The following TMEM40 variants were observed in gnomAD, a reference collection of about 807,000 sequenced individuals.
The protein encoded by TMEM40 is transmembrane protein 40.
TMEM40 carries 34 observed loss-of-function variants against 40.8 expected under a neutral mutation model. That is an observed-to-expected ratio of 0.83 (90% CI 0.63 to 1.11). The LOEUF (loss-of-function observed/expected upper bound fraction) is 1.11. TMEM40 is among the 50% of genes least tolerant of loss of function. The pLI is 0.00. For synonymous variants in TMEM40, 106 were observed against 107.0 expected (o/e 0.99, Z 0.06); for missense variants, 296 against 280.2 (o/e 1.06, Z -0.40).
intron 1 of TMEM40, among the ~76,000 whole-genome samples, chr3:12,766,687 C>T (rs1340436600): frequency 1.3e-5 from 2 of 152,184 alleles, no homozygotes; most frequent in South Asian, 2.1e-4. Flanking sequence ...CCATCGGCCA[C>T]CCTCTGACAC....
At chr3:12,734,830 G>T in intron 11 of TMEM40, 37 bp from the exon 12 acceptor site, 1 of 1,588,552 alleles carries the variant, frequency 6.3e-7, no homozygotes. Flanking sequence ...ATGGGATTCT[G>T]AAGGCAGCCA....
At chr3:12,738,412 G>C (rs568390771) in intron 6 of TMEM40, 141 bp downstream of exon 6, 1 of 1,080,744 alleles carries the variant, frequency 9.3e-7, no homozygotes, top group Admixed American at 1.8e-5. Context: ...TGCTTGATGA[G>C]CCTAGGCTAA....
chr3:12,738,268 C>T, intron 6 of TMEM40, 100 bp from the exon 7 acceptor site: 1 of 1,372,180 alleles, frequency 7.3e-7, no homozygotes, highest in Non-Finnish European at 1.0e-6. Context: ...AAAAAATGTC[C>T]CCATGGAATT....
intron 1 of TMEM40, among the ~76,000 whole-genome samples, chr3:12,752,559 G>A (rs1342011639): frequency 2.6e-5 from 4 of 152,168 alleles, no homozygotes; most frequent in African/African-American, 2.4e-5. Flanking sequence ...AGGACTTTGG[G>A]AGGCTGAGGC....
At chr3:12,739,175 C>T (rs1332839502) in intron 5 of TMEM40, 1 of 152,712 alleles carries the variant, frequency 6.5e-6, no homozygotes, top group Non-Finnish European at 1.5e-5. Flanking sequence ...AGTTTGGTAA[C>T]TCTTGTACTC....
chr3:12,743,943 T>C lies in TMEM40; in HGVS notation c.258A>G (p.Arg86=), dbSNP rs923887280. The C allele has an allele frequency of 1.2e-6, 2 of 1,613,404 alleles. No individual in the cohort carries two copies. The highest frequency in any genetic ancestry group is 2.7e-5 in the African/African-American group (2 of 74,920). Residue 86 remains arginine, a synonymous_variant, in exon 4 of 12, where the codon CGA becomes CGG. Coordinates refer to ENST00000314124, the MANE Select transcript of TMEM40 (RefSeq NM_018306.4). ...DQQPRATGKH[R]RSLGAGYPHG... is the part of the protein sequence containing the mutation. ...GGGGGTATCCAGCCCCCAGGCTCCGTCGATGTTTTCCGGTTGCTCTGGGTT... is the reference window on the plus strand; with the variant it reads ...GGGGGTATCCAGCCCCCAGGCTCCGCCGATGTTTTCCGGTTGCTCTGGGTT...
chr3:12,769,304 TC>T (rs1263171226), exon 1 of TMEM40: 2 of 403,910 alleles, frequency 5.0e-6, no homozygotes, highest in Non-Finnish European at 1.0e-5. Context: ...AGGAAGGGAC[TC>T]CCACAGTGCA....
In TMEM40 at chr3:12,736,848, G is replaced by T; in HGVS notation, c.473-13C>A. 1 of 1,614,098 alleles carries T rather than the reference G, an allele frequency of 6.2e-7. No homozygotes were observed. Among genetic ancestry groups the T allele is most frequent in the Non-Finnish European group, 8.5e-7 (1 of 1,180,008 alleles). On this transcript the variant is annotated splice_polypyrimidine_tract_variant and intron_variant, in intron 8 of 11. Coordinates refer to ENST00000314124, the MANE Select transcript of TMEM40 (RefSeq NM_018306.4). ...TGGAAAAACTCATCTGTGAAGGCAG[G>T]GGTGGGCAATCACTATCTGCTGCTT...
intron 1 of TMEM40, among the ~76,000 whole-genome samples, chr3:12,754,803 C>T (rs2061506506): frequency 6.6e-6 from 1 of 152,116 alleles, no homozygotes; most frequent in Admixed American, 6.5e-5. Context: ...TCACTGACCC[C>T]AAGTCTCTGC....
At chr3:12,737,235 T>C (rs1203241537) in intron 8 of TMEM40, among the ~76,000 whole-genome samples, 1 of 151,690 alleles carries the variant, frequency 6.6e-6, no homozygotes, top group Non-Finnish European at 1.5e-5. Context: ...ACCATGGTCT[T>C]TCCTCTTGCC....
chr3:12,734,957 T>C (rs2061327238), intron 11 of TMEM40, among the ~76,000 whole-genome samples, 164 bp from the exon 12 acceptor site: 1 of 152,240 alleles, frequency 6.6e-6, no homozygotes, highest in Admixed American at 6.5e-5. Flanking sequence ...AGTTTTCTTT[T>C]TCTTCATTAC....
intron 1 of TMEM40, among the ~76,000 whole-genome samples, chr3:12,768,300 A>C (rs903283207): frequency 2.0e-5 from 3 of 152,144 alleles, no homozygotes; most frequent in Admixed American, 6.6e-5. Context: ...AGAGCAAAAC[A>C]ACAAAGCTTC....
intron 5 of TMEM40, among the ~76,000 whole-genome samples, chr3:12,739,779 G>A (rs1049635091): frequency 1.3e-5 from 2 of 151,914 alleles, no homozygotes; most frequent in South Asian, 4.2e-4. Context: ...TGAAAAAAAT[G>A]TGGTATAGAA....
intron 4 of TMEM40, 104 bp from the exon 5 acceptor site, chr3:12,742,611 G>T (rs2061392895): frequency 2.2e-6 from 3 of 1,368,744 alleles, no homozygotes; most frequent in South Asian, 1.3e-5. Context: ...CAGTCCTTGT[G>T]CTGGAGGTGA....
chr3:12,747,001 T>A (rs745445034), intron 3 of TMEM40, among the ~76,000 whole-genome samples: 49 of 152,112 alleles, frequency 3.2e-4, no homozygotes, highest in Non-Finnish European at 3.4e-4. Flanking sequence ...GGTGGGCTTG[T>A]GTGTTTTCTC....
intron 1 of TMEM40, among the ~76,000 whole-genome samples, chr3:12,758,080 A>G (rs890461324): frequency 4.6e-5 from 7 of 152,066 alleles, no homozygotes; most frequent in East Asian, 1.9e-4. Flanking sequence ...AAAAAAAAAA[A>G]AAAGAAAGAA....
chr3:12,742,552 G>T, intron 4 of TMEM40, 45 bp from the exon 5 acceptor site: 1 of 1,600,096 alleles, frequency 6.2e-7, no homozygotes, highest in Non-Finnish European at 8.6e-7. Flanking sequence ...CAAACACAGT[G>T]ATCCAGGCCA....
intron 1 of TMEM40, among the ~76,000 whole-genome samples, chr3:12,764,965 AG>A (rs2061587376): frequency 6.6e-6 from 1 of 151,736 alleles, no homozygotes; most frequent in South Asian, 2.1e-4. Flanking sequence ...TCCGCCTCCC[AG>A]GTTCAAGCAA....
At chr3:12,767,328 G>T (rs1211555774) in intron 1 of TMEM40, among the ~76,000 whole-genome samples, 3 of 152,034 alleles carry the variant, frequency 2.0e-5, no homozygotes, top group African/African-American at 7.3e-5. Flanking sequence ...GGACAGCAGG[G>T]GGGAAAAGGC....
Sources: gnomAD v4.1 joint callset for allele counts (sites outside exome capture counted in the v4.1 genomes callset) on GRCh38, gnomAD v4.1.1 for gene constraint, MANE v1.5 for transcripts, NCBI Gene and HGNC (gene_info 2026-07-23, HGNC 2026-07-21) for gene names.